MACF1: variants seen among roughly 807,000 people sequenced by gnomAD.
The protein encoded by MACF1 is microtubule actin crosslinking factor 1.
In MACF1, 193 loss-of-function variants were observed where a neutral mutation model predicts 854.8. The observed-to-expected ratio is 0.23, with a 90% confidence interval of 0.20 to 0.25. The LOEUF (loss-of-function observed/expected upper bound fraction) is 0.25. Among genes scored for constraint, MACF1 ranks in the 10% least tolerant of loss-of-function variants. The pLI is 1.00. For missense variants in MACF1, 7,722 were observed against 8,929.1 expected, an observed-to-expected ratio of 0.86 and a Z score of 5.45; for synonymous variants, 3,185 against 3,226.7, an observed-to-expected ratio of 0.99 and a Z score of 0.44.
At position 39,218,926 on chromosome 1, in the gene MACF1, G is replaced by A. The variant is rs534517490; in HGVS notation, c.110-12256G>A. 5.2e-3 allele frequency among the ~76,000 whole-genome samples: 783 copies of A among 152,002 alleles called. 9 individuals carry two copies. The highest frequency in any genetic ancestry group is 0.02 in the South Asian group (97 of 4,806). On this transcript the variant is annotated intron_variant, in intron 1 of 100. Transcript: ENST00000564288. ...CTCCCAAGTAGCTGGGATTACAGGC[G>A]TGTGCCACCACACCTGGCTGATTTT...
chr1:39,289,217 T>C (rs905183536), intron 15 of MACF1, among the ~76,000 whole-genome samples: 1 of 152,228 alleles, frequency 6.6e-6, no homozygotes, highest in Non-Finnish European at 1.5e-5. Context: ...GCAGATCTCT[T>C]TGATACACTG....
intron 2 of MACF1, among the ~76,000 whole-genome samples, chr1:39,131,233 A>C (rs1642997324): frequency 7.1e-6 from 1 of 140,316 alleles, no homozygotes; most frequent in Admixed American, 7.9e-5. Flanking sequence ...ACATGATCAT[A>C]ACTCACTGTA....
chr1:39,131,454 T>G (rs984522114), intron 2 of MACF1, among the ~76,000 whole-genome samples: 5 of 151,950 alleles, frequency 3.3e-5, no homozygotes, highest in African/African-American at 9.7e-5. Flanking sequence ...ATTATAGGTG[T>G]GAGACACCTT....
At chr1:39,235,827 C>T (rs11205805) in intron 2 of MACF1, among the ~76,000 whole-genome samples, 4,706 of 152,208 alleles carry the variant, frequency 0.031, 234 homozygotes, top group African/African-American at 0.11. Flanking sequence ...CTCCAACTCC[C>T]GGGCTCAAGT....
intron 90 of MACF1, 63 bp from the exon 91 acceptor site, chr1:39,459,023 T>TA: frequency 1.5e-6 from 2 of 1,352,416 alleles, no homozygotes; most frequent in South Asian, 2.7e-5. Flanking sequence ...GGTTTATACA[T>TA]ACAGCTATTT....
rs767369413 is a variant in MACF1, at chr1:39,448,582, C to G, written c.20089-12C>G. The G allele has an allele frequency of 6.8e-7, 1 of 1,473,238 alleles. No individual in the cohort carries two copies. The highest frequency in any genetic ancestry group is 2.4e-5 in the East Asian group (1 of 42,060). The allele number at this position is 1,473,238 out of a possible 1,614,324, so 91.3% of individuals were successfully genotyped here. Reference sequence around the variant, plus strand: ...CTTTTAACACTTTTTTCTTTTCTTTCTGGAAACATAGGAGTTTCAGAAGAC... The same window carrying G: ...CTTTTAACACTTTTTTCTTTTCTTTGTGGAAACATAGGAGTTTCAGAAGAC... On this transcript the variant is annotated splice_polypyrimidine_tract_variant and intron_variant, in intron 83 of 100. Transcript: ENST00000564288.
chr1:39,461,895 C>G lies in MACF1; in HGVS notation c.21536C>G (p.Thr7179Ser). 1 of 1,613,202 alleles carries G rather than the reference C, an allele frequency of 6.2e-7. No individual in the cohort carries two copies. The highest frequency in any genetic ancestry group is 8.5e-7 in the Non-Finnish European group (1 of 1,179,688). Residue 7179 changes from threonine to serine, a missense_variant, in exon 93 of 101, where the codon ACC becomes AGC. Coordinates refer to ENST00000564288, the MANE Select transcript of MACF1 (RefSeq NM_001394062.1). ...DGILASKFPT[T>S]KLEMTAVADI... The stretch of plus-strand genomic sequence containing the variant: ...TCCTTTTCTCCAGAGTTCCCCACCA[C>G]CAAGTTAGAGATGACTGCTGTGGCT...
In MACF1 at chr1:39,232,740, CTCTT is replaced by C. The variant is rs1644792618; in HGVS notation, c.171+1499_171+1502del. On this transcript the variant is annotated intron_variant, in intron 2 of 100. Transcript: ENST00000564288. ...GTTATCAGAAAACTACTCTCATACTCTCTTTGTTTTTTTTTTTTTTTTTTTTTTG... is the reference window on the plus strand; with the variant it reads ...GTTATCAGAAAACTACTCTCATACTCTGTTTTTTTTTTTTTTTTTTTTTTG... Among the ~76,000 whole-genome samples the C allele has an allele frequency of 3.2e-4, 26 of 81,546 alleles. No homozygotes were observed. In the South Asian group the frequency reaches 7.1e-3, roughly 22 times the overall value. The allele number at this position is 81,546 out of a possible 152,430, so 53.5% of individuals were successfully genotyped here.
Position 39,453,705 on chromosome 1 carries a change from A to G in MACF1, c.20743-2A>G. On this transcript the variant is annotated splice_acceptor_variant, in intron 87 of 100. Transcript: ENST00000564288. LOFTEE classifies it high-confidence loss of function. ...TTTTGTTTTCAAATCTTTTTTGTTT[A>G]GGAATTCATGAAGAAAGTAGAAGAA... The G allele has an allele frequency of 6.2e-7, 1 of 1,613,810 alleles. No individual in the cohort carries two copies.
intron 54 of MACF1, 59 bp from the exon 55 acceptor site, chr1:39,380,185 A>G (rs1426318861): frequency 6.4e-7 from 1 of 1,566,912 alleles, no homozygotes; most frequent in African/African-American, 1.4e-5. Context: ...TTTCTACCAC[A>G]CACACAACTT....
intron 6 of MACF1, chr1:39,268,858 G>A (rs530196288): frequency 1.6e-6 from 2 of 1,289,764 alleles, no homozygotes; most frequent in African/African-American, 3.0e-5. Flanking sequence ...ACCTCAGAAG[G>A]AACTGGAGTC....
At chr1:39,321,117 T>C (rs1026459201) in intron 31 of MACF1, among the ~76,000 whole-genome samples, 6 of 152,242 alleles carry the variant, frequency 3.9e-5, no homozygotes, top group African/African-American at 7.2e-5. Context: ...GGCAAGTACA[T>C]AGAAGATGCT....
intron 51 of MACF1, among the ~76,000 whole-genome samples, chr1:39,371,460 T>C (rs1279040102): frequency 6.6e-6 from 1 of 152,086 alleles, no homozygotes; most frequent in East Asian, 1.9e-4. Flanking sequence ...AAGTAGATTG[T>C]CAGGGATATT....
At chr1:39,254,530 C>G in intron 5 of MACF1, 155 bp downstream of exon 5, 1 of 640,398 alleles carries the variant, frequency 1.6e-6, no homozygotes, top group Non-Finnish European at 2.8e-6. Context: ...CAATTGTATT[C>G]TGGTTAGAGA....
At chr1:39,219,860 C>T (rs1342787381) in intron 1 of MACF1, among the ~76,000 whole-genome samples, 1 of 152,168 alleles carries the variant, frequency 6.6e-6, no homozygotes, top group Admixed American at 6.5e-5. Flanking sequence ...AAGCAGTTTT[C>T]CTGCCTCAGC....
chr1:39,129,541 G>T (rs535673469), intron 2 of MACF1, among the ~76,000 whole-genome samples: 1 of 152,276 alleles, frequency 6.6e-6, no homozygotes, highest in African/African-American at 2.4e-5. Flanking sequence ...AAAAGGCTTA[G>T]GTTAGATTTA....
In MACF1 at chr1:39,333,540, C is replaced by T. The variant is rs765552412; in HGVS notation, c.6952C>T (p.Pro2318Ser). 7 of 1,614,154 alleles carry T rather than the reference C, an allele frequency of 4.3e-6. No homozygotes were observed. The highest frequency in any genetic ancestry group is 5.1e-6 in the Non-Finnish European group (6 of 1,180,020). Residue 2318 changes from proline to serine, a missense_variant, in exon 37 of 101, where the codon CCA becomes TCA. This residue lies in a region of MACF1 where 1,531 missense variants were observed against 1,601.6 expected (regional missense o/e 0.96). Transcript: ENST00000564288. ...LNEAISRGIV[P>S]SHTAVKLMEK... ...TGAAGCAATATCCCGAGGCATTGTG[C>T]CAAGTCACACTGCCGTGAAGCTTAT...
At chr1:39,134,254 G>C (rs970771682) in intron 2 of MACF1, among the ~76,000 whole-genome samples, 2 of 150,902 alleles carry the variant, frequency 1.3e-5, no homozygotes, top group African/African-American at 4.9e-5. Context: ...CACTGTGTTA[G>C]CCAGGATGGT....
intron 6 of MACF1, among the ~76,000 whole-genome samples, chr1:39,270,893 T>C (rs970162183): frequency 6.6e-6 from 1 of 152,210 alleles, no homozygotes; most frequent in African/African-American, 2.4e-5. Flanking sequence ...TCTTTGGGGA[T>C]ACATTTTCCC....
Sources: allele counts gnomAD v4.1 joint callset (sites outside exome capture counted in the v4.1 genomes callset), GRCh38; gene constraint gnomAD v4.1.1; regional missense constraint gnomAD v4.1.1; transcripts MANE v1.5; gene names NCBI Gene and HGNC (gene_info 2026-07-23, HGNC 2026-07-21).